CHIC1: variants seen among roughly 807,000 people sequenced by gnomAD.
CHIC1 encodes cysteine rich hydrophobic domain 1.
A neutral mutation model predicts 18.5 loss-of-function variants in CHIC1; 7 were observed. That is an observed-to-expected ratio of 0.38 (90% CI 0.22 to 0.71). CHIC1 has a LOEUF of 0.71. Among genes scored for constraint, CHIC1 ranks in the 30% least tolerant of loss-of-function variants. CHIC1 has a pLI of 0.49. For synonymous variants in CHIC1, 77 were observed against 73.5 expected (o/e 1.05, Z -0.25); for missense variants, 159 against 176.9 (o/e 0.90, Z 0.57).
chrX:73,663,711 G>T (rs2057991682), intron 3 of CHIC1, among the ~76,000 whole-genome samples: 1 of 111,030 alleles, frequency 9.0e-6, no homozygotes, highest in Non-Finnish European at 1.9e-5. Context: ...TCTGATCAGT[G>T]ATTAATTGGT....
intron 3 of CHIC1, among the ~76,000 whole-genome samples, chrX:73,601,674 T>C (rs2057651307): frequency 9.8e-6 from 1 of 101,786 alleles, no homozygotes; most frequent in South Asian, 4.5e-4. Context: ...AGCAAACACA[T>C]TCAAAAGCTA....
intron 3 of CHIC1, among the ~76,000 whole-genome samples, chrX:73,590,291 A>G (rs773351169): frequency 9.0e-6 from 1 of 110,801 alleles, no homozygotes; most frequent in South Asian, 3.8e-4. Context: ...ACTTTTTAAT[A>G]TGCAATTTTT....
At chrX:73,672,024 G>A (rs1368953682) in intron 3 of CHIC1, among the ~76,000 whole-genome samples, 2 of 110,974 alleles carry the variant, frequency 1.8e-5, no homozygotes, top group Non-Finnish European at 3.8e-5. Context: ...GCGGTGTTTG[G>A]TTTTTTCTCC....
chrX:73,634,248 A>C (rs1431404720), intron 3 of CHIC1, among the ~76,000 whole-genome samples: 1 of 112,064 alleles, frequency 8.9e-6, no homozygotes, highest in African/African-American at 3.2e-5. Context: ...CTTTTCTGTG[A>C]ATGTGCCCAC....
chrX:73,651,616 A>G (rs899037028), intron 3 of CHIC1, among the ~76,000 whole-genome samples: 2 of 110,841 alleles, frequency 1.8e-5, no homozygotes, highest in Admixed American at 1.9e-4. Flanking sequence ...TCATGAGTGA[A>G]CTCCCAATCA....
chrX:73,604,158 G>A (rs1165124766), intron 3 of CHIC1, among the ~76,000 whole-genome samples: 2 of 104,782 alleles, frequency 1.9e-5, no homozygotes, highest in African/African-American at 7.5e-5. Flanking sequence ...TTGGTAAGCT[G>A]TTAATTATTG....
At chrX:73,633,018 C>T (rs2057815115) in intron 3 of CHIC1, among the ~76,000 whole-genome samples, 1 of 110,751 alleles carries the variant, frequency 9.0e-6, no homozygotes, top group Non-Finnish European at 1.9e-5. Context: ...CCGCCAGCCT[C>T]AGCCTCCCAA....
chrX:73,620,327 G>A (rs1159641823), intron 3 of CHIC1, among the ~76,000 whole-genome samples: 1 of 112,004 alleles, frequency 8.9e-6, no homozygotes, highest in Non-Finnish European at 1.9e-5. Flanking sequence ...CACCAACAGT[G>A]TAAAAGCGTT....
chrX:73,601,357 T>C (rs2057648087), intron 3 of CHIC1, among the ~76,000 whole-genome samples: 2 of 106,119 alleles, frequency 1.9e-5, no homozygotes, highest in South Asian at 8.2e-4. Context: ...TATAACAAAC[T>C]ATCTCTCAGA....
Position 73,672,595 on chromosome X carries a change from C to T in CHIC1, c.508-6731C>T, listed in dbSNP as rs757650694. Among the ~76,000 whole-genome samples the T allele has an allele frequency of 1.9e-3, 210 of 112,060 alleles. 2 individuals are homozygous for T. The highest frequency in any genetic ancestry group is 6.1e-3 in the African/African-American group (187 of 30,823). ...TTGAGAAGTGTCTGTTCATGTCCTT[C>T]GCCCACTTTTTGATGTGGTTTGTTT... On this transcript the variant is annotated intron_variant, in intron 3 of 5. Coordinates refer to ENST00000373502, the MANE Select transcript of CHIC1 (RefSeq NM_001039840.4).
At chrX:73,602,718 C>A (rs2057657798) in intron 3 of CHIC1, among the ~76,000 whole-genome samples, 1 of 108,626 alleles carries the variant, frequency 9.2e-6, no homozygotes, top group African/African-American at 3.6e-5. Context: ...GGTTCAGTTT[C>A]AGTTTTCTGC....
At chrX:73,657,055 T>C (rs1190823638) in intron 3 of CHIC1, among the ~76,000 whole-genome samples, 1 of 82,619 alleles carries the variant, frequency 1.2e-5, no homozygotes, top group Non-Finnish European at 2.5e-5. Context: ...TTATATTCTT[T>C]TTTTAATTTT....
intron 3 of CHIC1, among the ~76,000 whole-genome samples, chrX:73,642,450 T>A (rs1462952218): frequency 1.0e-4 from 11 of 109,641 alleles, no homozygotes; most frequent in African/African-American, 3.3e-4. Context: ...TTGCGAAAAT[T>A]TTCTCCCATT....
chrX:73,608,212 ATTT>A (rs2057691862), intron 3 of CHIC1, among the ~76,000 whole-genome samples: 1 of 109,002 alleles, frequency 9.2e-6, no homozygotes, highest in Non-Finnish European at 1.9e-5. Flanking sequence ...TTGACCACGT[ATTT>A]GAGACTTTAC....
Position 73,605,624 on chromosome X carries a change from C to T in CHIC1, c.507+21052C>T, listed in dbSNP as rs1281333183. ...AAAATTTGATATGTTTTTGCAGTAG[C>T]TGTTACTGATTTTTCGTTTCCATGT... is the stretch of plus-strand genomic sequence containing the variant. On this transcript the variant is annotated intron_variant, in intron 3 of 5. Transcript: ENST00000373502. Among the ~76,000 whole-genome samples the T allele has an allele frequency of 4.6e-5, 5 of 108,643 alleles. 1 individual carries two copies. Among genetic ancestry groups the T allele is most frequent in the African/African-American group, 1.8e-4 (5 of 27,953 alleles). 94.3% of individuals were successfully genotyped at this position (108,643 alleles called of 115,157 possible).
chrX:73,572,700 TA>T (rs1241989780), intron 1 of CHIC1, among the ~76,000 whole-genome samples: 1 of 111,625 alleles, frequency 9.0e-6, no homozygotes, highest in African/African-American at 3.2e-5. Flanking sequence ...CTCTAATGAT[TA>T]GTGATGATGA....
At chrX:73,586,026 C>G (rs961293745) in intron 3 of CHIC1, among the ~76,000 whole-genome samples, 7 of 111,319 alleles carry the variant, frequency 6.3e-5, no homozygotes, top group African/African-American at 2.0e-4. Flanking sequence ...AAATTGTCAT[C>G]CATGAGCCAA....
intron 3 of CHIC1, among the ~76,000 whole-genome samples, chrX:73,616,907 C>G (rs1453610831): frequency 8.9e-6 from 1 of 112,145 alleles, no homozygotes; most frequent in Admixed American, 9.4e-5. Context: ...AGACATTTTC[C>G]TCATTGTCTT....
At chrX:73,679,266 C>T (rs1311773023) in intron 3 of CHIC1, 60 bp from the exon 4 acceptor site, 6 of 717,481 alleles carry the variant, frequency 8.4e-6, no homozygotes, top group Admixed American at 2.7e-5. Context: ...AATATAGATG[C>T]ACATAGTTTA....
Sources: gnomAD v4.1 joint callset for allele counts (sites outside exome capture counted in the v4.1 genomes callset) on GRCh38, gnomAD v4.1.1 for gene constraint, MANE v1.5 for transcripts, NCBI Gene and HGNC (gene_info 2026-07-23, HGNC 2026-07-21) for gene names.